The following HERC1 variants were observed in gnomAD, a reference collection of about 807,000 sequenced individuals.
The protein encoded by HERC1 is HECT and RLD domain containing E3 ubiquitin protein ligase family member 1, also known as probable E3 ubiquitin-protein ligase HERC1.
In HERC1, 160 loss-of-function variants were observed where a neutral mutation model predicts 554.3. The observed-to-expected ratio is 0.29, with a 90% CI of 0.25 to 0.33. HERC1 has a LOEUF of 0.33. Ranked by LOEUF, HERC1 falls within the 10% of genes least tolerant of loss-of-function variation. The pLI, the probability that HERC1 is intolerant of heterozygous loss-of-function variation, is 1.00. For synonymous variants in HERC1, 2,175 were observed against 2,131.7 expected (o/e 1.02, Z -0.56); for missense variants, 4,919 against 5,918.5 (o/e 0.83, Z 5.54).
At position 63,655,911 on chromosome 15, in the gene HERC1, A is replaced by G. The variant is rs1403795527; in HGVS notation, c.9915T>C (p.Asp3305=). The stretch of plus-strand genomic sequence containing the variant: ...GTAGAAACTTTCGCTGAATTGAGTC[A>G]TCAACTGTGGTTAGATTTACACCTG... ...AATGVNLTTV[D]DSIQRKFLPS... is the part of the protein sequence containing the mutation. Residue 3305 remains aspartate, a synonymous_variant, in exon 50 of 78, where the codon GAT becomes GAC. Transcript: ENST00000443617. The G allele has an allele frequency of 8.1e-6, 13 of 1,613,182 alleles. No individual in the cohort carries two copies. Among genetic ancestry groups the G allele is most frequent in the Non-Finnish European group, 1.1e-5 (13 of 1,179,582 alleles).
At chr15:63,779,291 A>G (rs2076209547) in intron 1 of HERC1, among the ~76,000 whole-genome samples, 1 of 152,122 alleles carries the variant, frequency 6.6e-6, no homozygotes, top group Non-Finnish European at 1.5e-5. Flanking sequence ...CAGACAATCA[A>G]CTCCAAGAAA....
At chr15:63,611,170 T>C (rs941670034) in intron 77 of HERC1, among the ~76,000 whole-genome samples, 2 of 152,156 alleles carry the variant, frequency 1.3e-5, no homozygotes, top group African/African-American at 2.4e-5. Context: ...CCTGGTCTAC[T>C]GGGGAGAAAG....
rs1363865350 is a variant in HERC1 at position 63,664,562 on chromosome 15, G to C, written c.8588C>G (p.Ala2863Gly). The C allele has an allele frequency of 6.2e-7, 1 of 1,613,572 alleles. No homozygotes were observed. The highest frequency in any genetic ancestry group is 1.3e-5 in the African/African-American group (1 of 74,916). Residue 2863 changes from alanine (A) to glycine (G), a missense_variant, in exon 43 of 78, where the codon GCT (alanine) becomes GGT (glycine). By Grantham distance (60) the Ala-to-Gly change is moderately conservative. This residue lies in a region of HERC1 where 1,963 missense variants were observed against 2,228.6 expected (regional missense o/e 0.88). Transcript: ENST00000443617. Reference protein sequence around the residue: ...PDNLDHTENAASGSGPSARGR... With the variant: ...PDNLDHTENAGSGSGPSARGR... ...TCTAGCTGATGGTCCACTTCCAGAA[G>C]CTGCATTCTCTGTATGATCCAAATT... is the stretch of plus-strand genomic sequence containing the variant.
Position 63,718,433 on chromosome 15 carries a change from T to C in HERC1, c.3978+141A>G. The C allele has an allele frequency of 1.4e-6, 1 of 713,236 alleles. No homozygotes were observed. The highest frequency in any genetic ancestry group is 2.1e-6 in the Non-Finnish European group (1 of 476,976). The allele number at this position is 713,236 out of a possible 1,614,324, so 44.2% of individuals were successfully genotyped here. ...AATCTCAAATCTTTTCCTTTTTTTT[T>C]TTCTGCTAGGAAAAGAACTACTCAA... On this transcript the variant is annotated intron_variant, in intron 21 of 77. Transcript: ENST00000443617. The surrounding 1 kb of genome is among the most constrained non-coding windows in gnomAD (Gnocchi z 4.2).
intron 48 of HERC1, among the ~76,000 whole-genome samples, chr15:63,657,342 G>A (rs1028598635): frequency 6.8e-6 from 1 of 146,766 alleles, no homozygotes; most frequent in African/African-American, 2.5e-5. Context: ...GGTTCTTCCC[G>A]TCTTGGCCTC....
At chr15:63,747,162 C>G in intron 11 of HERC1, 79 bp from the exon 12 acceptor site, 1 of 1,391,426 alleles carries the variant, frequency 7.2e-7, no homozygotes, top group Non-Finnish European at 9.8e-7. Context: ...ATTTTTATAT[C>G]TTTAAAAATT....
intron 65 of HERC1, 153 bp from the exon 66 acceptor site, chr15:63,635,041 TTTTAA>T: frequency 3.9e-6 from 2 of 516,654 alleles, no homozygotes; most frequent in Non-Finnish European, 6.6e-6. Flanking sequence ...AAATTTTTTT[TTTTAA>T]TTTTTTTTTA....
chr15:63,686,069 A>G (rs1000523274), intron 34 of HERC1, among the ~76,000 whole-genome samples: 1 of 152,134 alleles, frequency 6.6e-6, no homozygotes, highest in Non-Finnish European at 1.5e-5. Context: ...CTTCATTTTC[A>G]TTGCTAGAAG....
At chr15:63,826,417 C>G (rs1479535077) in intron 1 of HERC1, among the ~76,000 whole-genome samples, 1 of 152,150 alleles carries the variant, frequency 6.6e-6, no homozygotes, top group Non-Finnish European at 1.5e-5. Flanking sequence ...TCAATACGTA[C>G]TGTATATACC....
rs2075433947 is a variant in HERC1, at chr15:63,756,881, G to A, written c.1222-133C>T. ...GGCATGATTCTCCAGAGAGATTAAG[G>A]AATATACAGAAATCTAAGAGAACAC... On this transcript the variant is annotated intron_variant, in intron 4 of 77. Transcript: ENST00000443617. The surrounding 1 kb of genome is among the most constrained non-coding windows in gnomAD (Gnocchi z 5.0). 1.7e-6 allele frequency: 1 copy of A among 597,764 alleles called. No homozygotes were observed. The highest frequency in any genetic ancestry group is 1.8e-5 in the African/African-American group (1 of 54,068). The allele number at this position is 597,764 out of a possible 1,614,324, so 37.0% of individuals were successfully genotyped here.
rs750681591 is a variant in HERC1, at chr15:63,630,526, G to A, written c.12906C>T (p.His4302=). Residue 4302 remains histidine (H), a synonymous_variant, in exon 69 of 78, where the codon CAC becomes CAT. Coordinates refer to ENST00000443617, the MANE Select transcript of HERC1 (RefSeq NM_003922.4). ...CTCCATTTGATGCCAAAGCAAGTGT[G>A]TGTTCAGCTCCAACTGCCACATCTT... ...IIEDVAVGAE[H]TLALASNGDV... is the part of the protein sequence containing the mutation. The A allele has an allele frequency of 6.2e-7, 1 of 1,614,004 alleles. No homozygotes were observed. The highest frequency in any genetic ancestry group is 8.5e-7 in the Non-Finnish European group (1 of 1,179,882).
chr15:63,616,800 G>T, intron 74 of HERC1, 118 bp from the exon 75 acceptor site: 1 of 848,846 alleles, frequency 1.2e-6, no homozygotes, highest in Non-Finnish European at 1.8e-6. Context: ...GCATCCATTA[G>T]CCACATAAGG....
chr15:63,817,605 C>A (rs1315112292), intron 1 of HERC1, among the ~76,000 whole-genome samples: 3 of 152,154 alleles, frequency 2.0e-5, no homozygotes, highest in Admixed American at 2.0e-4. Context: ...ATCCCAGCTA[C>A]TTGGGAGGCT....
chr15:63,639,344 A>G (rs1056064108), intron 61 of HERC1, among the ~76,000 whole-genome samples: 2 of 152,228 alleles, frequency 1.3e-5, no homozygotes, highest in Admixed American at 6.5e-5. Flanking sequence ...AGAGCATTGA[A>G]TACAGTCATA....
intron 71 of HERC1, among the ~76,000 whole-genome samples, chr15:63,625,292 T>C (rs977276005): frequency 6.6e-6 from 1 of 152,230 alleles, no homozygotes; most frequent in Non-Finnish European, 1.5e-5. Flanking sequence ...ATTTCTCAGA[T>C]TAATTTATGT....
chr15:63,828,123 A>G (rs2078005127), intron 1 of HERC1, among the ~76,000 whole-genome samples: 1 of 152,198 alleles, frequency 6.6e-6, no homozygotes, highest in South Asian at 2.1e-4. Context: ...ATGGTATGTG[A>G]ATTGTATGGC....
At chr15:63,790,061 A>C (rs1252952515) in intron 1 of HERC1, among the ~76,000 whole-genome samples, 2 of 152,114 alleles carry the variant, frequency 1.3e-5, no homozygotes, top group African/African-American at 2.4e-5. Context: ...CAAGTTGCTT[A>C]ATTTCCCCAT....
intron 3 of HERC1, among the ~76,000 whole-genome samples, chr15:63,762,458 G>A (rs1036702202): frequency 2.0e-5 from 3 of 151,936 alleles, no homozygotes; most frequent in African/African-American, 7.3e-5. Flanking sequence ...TGAGTAGCTG[G>A]GATTACAGAC....
At chr15:63,755,782 A>AAAAG (rs2075401650) in intron 5 of HERC1, among the ~76,000 whole-genome samples, 1 of 152,168 alleles carries the variant, frequency 6.6e-6, no homozygotes, top group African/African-American at 2.4e-5. Context: ...ACCTAACAAA[A>AAAAG]AAAGAAAGAA....
Sources: allele counts gnomAD v4.1 joint callset (sites outside exome capture counted in the v4.1 genomes callset), GRCh38; gene constraint gnomAD v4.1.1; regional missense constraint gnomAD v4.1.1; non-coding constraint Gnocchi (gnomAD v3.1); transcripts MANE v1.5; gene names NCBI Gene and HGNC (gene_info 2026-07-23, HGNC 2026-07-21).